The following DGLUCY variants were observed in gnomAD, a reference collection of about 807,000 sequenced individuals.
The protein encoded by DGLUCY is D-glutamate cyclase, mitochondrial.
In DGLUCY, 58 loss-of-function variants were observed where a neutral mutation model predicts 58.5. That is an observed-to-expected ratio of 0.99 (90% CI 0.80 to 1.23). The LOEUF is 1.23. Among genes scored for constraint, DGLUCY ranks in the 50% most tolerant of loss-of-function variants. DGLUCY has a pLI of 0.00. For missense variants in DGLUCY, 779 were observed against 784.7 expected (o/e 0.99, Z 0.09); for synonymous variants, 325 against 314.1 (o/e 1.03, Z -0.37).
chr14:91,215,841 G>A, intron 13 of DGLUCY: 1 of 1,046,688 alleles, frequency 9.6e-7, no homozygotes, highest in Non-Finnish European at 1.3e-6. Flanking sequence ...TCTGTAAAAT[G>A]GGGGTGGTCA....
chr14:91,112,998 A>C, upstream of DGLUCY, among the ~76,000 whole-genome samples: 1 of 1,794 alleles, frequency 5.6e-4, no homozygotes, highest in South Asian at 0.013. Flanking sequence ...ACTACATCTA[A>C]AAAAAAAAAA....
At position 91,224,824 on chromosome 14, in the gene DGLUCY, A is replaced by G. The variant is rs753160106; in HGVS notation, c.1857A>G (p.Ala619=). The G allele has an allele frequency of 1.2e-5, 19 of 1,612,030 alleles. No individual in the cohort carries two copies. Among genetic ancestry groups the G allele is most frequent in the Non-Finnish European group, 1.6e-5 (19 of 1,178,572 alleles). ...AGAAGCTGGTGGACGTCACCACGGC[A>G]CAGGTGTAACCGTCCATGTTCCGTG... ...MIQKLVDVTT[A]QV is the part of the protein sequence containing the mutation. Residue 619 remains alanine, a synonymous_variant, in exon 14 of 14, where the codon GCA becomes GCG. Coordinates refer to ENST00000256324, the MANE Select transcript of DGLUCY (RefSeq NM_001102368.3).
rs925993491 is a variant in DGLUCY, at chr14:91,060,558, A to C, written c.-228A>C. On this transcript the variant is annotated 5_prime_UTR_variant, in exon 1 of 5. Transcript: ENST00000521334. ...GGGGTGCGGCGGCTCCAGAACTCGG[A>C]CGCAAAGACGAGTCTCTTTCCCGCT... 3.8e-5 allele frequency: 44 copies of C among 1,160,420 alleles called. No homozygotes were observed. The African/African-American group carries it at 5.8e-4, about 15-fold the overall frequency. 71.9% of individuals were successfully genotyped at this position (1,160,420 alleles called of 1,614,324 possible).
intron 1 of DGLUCY, among the ~76,000 whole-genome samples, chr14:91,129,339 C>T (rs533624591): frequency 6.6e-6 from 1 of 152,200 alleles, no homozygotes; most frequent in South Asian, 2.1e-4. Context: ...TTACAGATTT[C>T]ATGCTTTTCT....
chr14:91,118,090 T>G (rs1164967527), intron 1 of DGLUCY, among the ~76,000 whole-genome samples: 1 of 62,826 alleles, frequency 1.6e-5, no homozygotes, highest in Non-Finnish European at 2.9e-5. Context: ...CCCCCCCCCT[T>G]TTTTTTTTTA....
At chr14:91,137,684 C>A (rs919235999) in intron 1 of DGLUCY, among the ~76,000 whole-genome samples, 2 of 151,954 alleles carry the variant, frequency 1.3e-5, no homozygotes, top group African/African-American at 4.8e-5. Context: ...CGTGAGACAC[C>A]GTACTTGGCC....
At chr14:91,196,635 G>T (rs985493604) in intron 10 of DGLUCY, among the ~76,000 whole-genome samples, 161 bp downstream of exon 10, 4 of 151,880 alleles carry the variant, frequency 2.6e-5, no homozygotes, top group Non-Finnish European at 4.4e-5. Flanking sequence ...AATGAGGCTG[G>T]GGGGTTTCAA....
intron 10 of DGLUCY, among the ~76,000 whole-genome samples, chr14:91,197,389 G>A (rs1289887429): frequency 6.6e-6 from 1 of 152,232 alleles, no homozygotes; most frequent in Non-Finnish European, 1.5e-5. Context: ...ACAGGTGTGA[G>A]CCACTGTACC....
upstream of DGLUCY, among the ~76,000 whole-genome samples, chr14:91,110,063 G>T (rs547060088): frequency 2.0e-5 from 3 of 152,158 alleles, no homozygotes; most frequent in African/African-American, 2.4e-5. Context: ...TCCCCTGGAG[G>T]GGGCCTCATT....
chr14:91,221,997 C>T (rs1296480393), intron 13 of DGLUCY, among the ~76,000 whole-genome samples: 1 of 152,200 alleles, frequency 6.6e-6, no homozygotes, highest in African/African-American at 2.4e-5. Flanking sequence ...TCAGCATCCA[C>T]ACACTCAGCC....
At chr14:91,135,622 C>T (rs1343187665) in intron 1 of DGLUCY, among the ~76,000 whole-genome samples, 2 of 140,066 alleles carry the variant, frequency 1.4e-5, no homozygotes, top group African/African-American at 5.4e-5. Flanking sequence ...TGCACTCTAG[C>T]CTGGGCAACA....
At chr14:91,173,186 C>A (rs1193911891) in intron 5 of DGLUCY, 103 bp from the exon 6 acceptor site, 4 of 1,221,010 alleles carry the variant, frequency 3.3e-6, no homozygotes, top group South Asian at 2.6e-5. Context: ...AACAGCTACT[C>A]CTCCTTCATT....
At chr14:91,153,974 C>T (rs758619398) in intron 1 of DGLUCY, among the ~76,000 whole-genome samples, 29 of 152,106 alleles carry the variant, frequency 1.9e-4, no homozygotes, top group Non-Finnish European at 3.7e-4. Flanking sequence ...GGTGCGATCT[C>T]GACTCACTGC....
intron 1 of DGLUCY, among the ~76,000 whole-genome samples, chr14:91,116,568 C>A (rs1242137313): frequency 6.6e-6 from 1 of 152,150 alleles, no homozygotes; most frequent in African/African-American, 2.4e-5. Flanking sequence ...AAACCAGACC[C>A]CGAGAGTGTT....
At chr14:91,223,870 A>G in intron 13 of DGLUCY, 1 of 391,660 alleles carries the variant, frequency 2.6e-6, no homozygotes, top group Non-Finnish European at 4.6e-6. Flanking sequence ...CATTTTACAG[A>G]TAAGCACACT....
At chr14:91,173,024 T>TCTTGTATGC (rs1306783803) in intron 5 of DGLUCY, among the ~76,000 whole-genome samples, 1 of 152,200 alleles carries the variant, frequency 6.6e-6, no homozygotes, top group Non-Finnish European at 1.5e-5. Flanking sequence ...TGTATGCAGT[T>TCTTGTATGC]AAAGGCATTA....
At chr14:91,061,142 G>A (rs1289347053) in intron 1 of DGLUCY, among the ~76,000 whole-genome samples, 1 of 152,128 alleles carries the variant, frequency 6.6e-6, no homozygotes, top group South Asian at 2.1e-4. Context: ...TATCACCCAC[G>A]TGTTTGCAGA....
chr14:91,188,855 A>G (rs991532376), intron 8 of DGLUCY, 55 bp from the exon 9 acceptor site: 1 of 1,523,692 alleles, frequency 6.6e-7, no homozygotes, highest in Non-Finnish European at 8.9e-7. Context: ...ACATACATAC[A>G]TACAAATAAT....
intron 11 of DGLUCY, among the ~76,000 whole-genome samples, chr14:91,200,275 A>G (rs539871754): frequency 2.0e-5 from 3 of 152,238 alleles, no homozygotes; most frequent in Admixed American, 6.5e-5. Flanking sequence ...TTTATTGACT[A>G]TTGAACACAC....
Sources: gnomAD v4.1 joint callset for allele counts (sites outside exome capture counted in the v4.1 genomes callset) on GRCh38, gnomAD v4.1.1 for gene constraint, MANE v1.5 for transcripts, NCBI Gene and HGNC (gene_info 2026-07-23, HGNC 2026-07-21) for gene names.